OR52A1: variants seen among roughly 807,000 people sequenced by gnomAD.
The protein encoded by OR52A1 is olfactory receptor 52A1.
Under a neutral mutation model 14.3 loss-of-function variants are expected in OR52A1, and 14 were observed. That is an observed-to-expected ratio of 0.98 (90% CI 0.65 to 1.54). The LOEUF (loss-of-function observed/expected upper bound fraction) is 1.54. Among genes scored for constraint, OR52A1 ranks in the 40% most tolerant of loss-of-function variants. The pLI is 0.00. For missense variants in OR52A1, 405 were observed against 381.3 expected, an observed-to-expected ratio of 1.06 and a Z score of -0.52; for synonymous variants, 151 against 135.3, an observed-to-expected ratio of 1.12 and a Z score of -0.80.
At position 5,150,216 on chromosome 11, in the gene OR52A1, A is replaced by G. The variant is rs1846524888; in HGVS notation, c.*1215T>C. On this transcript the variant is annotated 3_prime_UTR_variant, in exon 2 of 2. Coordinates refer to ENST00000380367, the MANE Select transcript of OR52A1 (RefSeq NM_012375.3). ...TATGCTGCCACATGCCCAAGCAGAC[A>G]CACACACACACACACACACACACAC... is the stretch of plus-strand genomic sequence containing the variant. 4.4e-5 allele frequency: 1 copy of G among 22,730 alleles called. No individual in the cohort carries two copies. Among genetic ancestry groups the G allele is most frequent in the Admixed American group, 6.3e-4 (1 of 1,586 alleles). The allele number at this position is 22,730 out of a possible 1,614,324, so 1.4% of individuals were successfully genotyped here. A position where few individuals can be genotyped will look rare whatever the true frequency, so the allele number is the denominator to read the frequency against.
chr11:5,151,571 A>G lies in OR52A1; in HGVS notation c.799T>C (p.Phe267Leu). 1.9e-6 allele frequency: 3 copies of G among 1,614,098 alleles called. No individual in the cohort carries two copies. The South Asian group carries it at 3.3e-5, about 18-fold the overall frequency. Residue 267 changes from phenylalanine to leucine, a missense_variant, in exon 2 of 2, where the codon TTT (phenylalanine) becomes CTT (leucine). Phe to Leu is a conservative substitution (Grantham distance 22, BLOSUM62 0). Transcript: ENST00000380367. ...ATATAAGGGGAGATGTGAGACCCAA[A>G]CCTATGTGTGAAGAAGGAGAAGAAG... Reference protein sequence around the residue: ...LAFFSFFTHRFGSHISPYIHI... With the variant: ...LAFFSFFTHRLGSHISPYIHI...
rs192087899 is a variant in OR52A1, at chr11:5,152,426, T to C, written c.-57A>G. On this transcript the variant is annotated 5_prime_UTR_variant, in exon 2 of 2. Coordinates refer to ENST00000380367, the MANE Select transcript of OR52A1 (RefSeq NM_012375.3). ...GAAGTTTCTCAGTCAGTGTTACTGT[T>C]CCTCTTCTGCTTTCTGATTTTCTCC... The C allele has an allele frequency of 1.8e-5, 22 of 1,240,574 alleles. No individual in the cohort carries two copies. In the African/African-American group the frequency reaches 3.3e-4, roughly 19 times the overall value. The allele number at this position is 1,240,574 out of a possible 1,614,324, so 76.8% of individuals were successfully genotyped here.
chr11:5,153,721 T>G (rs907301653), intron 1 of OR52A1, among the ~76,000 whole-genome samples: 4 of 152,156 alleles, frequency 2.6e-5, no homozygotes, highest in African/African-American at 9.7e-5. Context: ...AATAAAGTTG[T>G]TTTATCTCAG....
rs1846529725 is a variant in OR52A1, at chr11:5,150,620, A to T, written c.*811T>A. 6.6e-6 allele frequency: 1 copy of T among 152,004 alleles called. No individual in the cohort carries two copies. The highest frequency in any genetic ancestry group is 2.1e-4 in the South Asian group (1 of 4,812). 9.4% of individuals were successfully genotyped at this position (152,004 alleles called of 1,614,324 possible). A position where few individuals can be genotyped will look rare whatever the true frequency, so the allele number is the denominator to read the frequency against. On this transcript the variant is annotated 3_prime_UTR_variant, in exon 2 of 2. Transcript: ENST00000380367. ...TCATTCTCTCTGAACTCCACATCCT[A>T]TGTGTACACTTGTTATTTCTCTCTT...
rs1266141347 is a variant in OR52A1 at position 5,149,233 on chromosome 11, A to G, written c.*2198T>C. 2.6e-5 allele frequency: 4 copies of G among 152,182 alleles called. No individual in the cohort carries two copies. The highest frequency in any genetic ancestry group is 9.7e-5 in the African/African-American group (4 of 41,444). The allele number at this position is 152,182 out of a possible 1,614,324, so 9.4% of individuals were successfully genotyped here. ...AAGACTACAGTAATTAAACAATATGAACTCTGGACTACATATTTTATGAGA... is the reference window on the plus strand; with the variant it reads ...AAGACTACAGTAATTAAACAATATGGACTCTGGACTACATATTTTATGAGA... On this transcript the variant is annotated 3_prime_UTR_variant, in exon 2 of 2. Transcript: ENST00000380367.
rs756135235 is a variant in OR52A1, at chr11:5,151,725, T to C, written c.645A>G (p.Thr215=). 23 of 1,614,052 alleles carry C rather than the reference T, an allele frequency of 1.4e-5. No homozygotes were observed. The East Asian group carries it at 4.9e-4, about 34-fold the overall frequency. The change falls in exon 2 of 2, where the codon ACA becomes ACG. Residue 215 remains threonine, a synonymous_variant. Coordinates refer to ENST00000380367, the MANE Select transcript of OR52A1 (RefSeq NM_012375.3). ...TCTGGATGTAGGACAATGTGATGAA[T>C]GTGAGGTCAAATCCTGCTACAGTGA... ...VAFTVAGFDL[T]FITLSYIQIF... is the part of the protein sequence containing the mutation.
Position 5,152,298 on chromosome 11 carries a change from A to G in OR52A1, c.72T>C (p.Ser24=), listed in dbSNP as rs1564853457. 6.2e-7 allele frequency: 1 copy of G among 1,614,044 alleles called. No homozygotes were observed. Among genetic ancestry groups the G allele is most frequent in the Non-Finnish European group, 8.5e-7 (1 of 1,179,910 alleles). ...ATGGAATCCCAATCCAGCACTGCACAGATTCTAGGCCTGGGATCCCTACTA... is the reference window on the plus strand; with the variant it reads ...ATGGAATCCCAATCCAGCACTGCACGGATTCTAGGCCTGGGATCCCTACTA... ...LTLVGIPGLE[S]VQCWIGIPFC... Residue 24 remains serine (S), a synonymous_variant, in exon 2 of 2, where the codon TCT becomes TCC. Coordinates refer to ENST00000380367, the MANE Select transcript of OR52A1 (RefSeq NM_012375.3).
rs897736596 is a variant in OR52A1, at chr11:5,147,108, C to G, written c.*4323G>C. The G allele has an allele frequency of 6.6e-6, 1 of 152,174 alleles. No individual in the cohort carries two copies. The highest frequency in any genetic ancestry group is 1.5e-5 in the Non-Finnish European group (1 of 68,036). 9.4% of individuals were successfully genotyped at this position (152,174 alleles called of 1,614,324 possible). A position where few individuals can be genotyped will look rare whatever the true frequency, so the allele number is the denominator to read the frequency against. ...TTAAGGAGAATTGATATCTTTACAA[C>G]ACTGAGATCAGCACATCAATGGTTG... On this transcript the variant is annotated 3_prime_UTR_variant, in exon 2 of 2. Coordinates refer to ENST00000380367, the MANE Select transcript of OR52A1 (RefSeq NM_012375.3).
chr11:5,154,529 T>C lies in OR52A1; in HGVS notation c.-404A>G, dbSNP rs762373256. 3.9e-5 allele frequency: 6 copies of C among 152,262 alleles called. No homozygotes were observed. The highest frequency in any genetic ancestry group is 1.4e-4 in the African/African-American group (6 of 41,464). The allele number at this position is 152,262 out of a possible 1,614,324, so 9.4% of individuals were successfully genotyped here. On this transcript the variant is annotated 5_prime_UTR_variant, in exon 1 of 2. Coordinates refer to ENST00000380367, the MANE Select transcript of OR52A1 (RefSeq NM_012375.3). ...GGCTCTACTTTCTGTCTGCACTCTGTGTAACAGCATCCAGCTAATGTCATA... is the reference window on the plus strand; with the variant it reads ...GGCTCTACTTTCTGTCTGCACTCTGCGTAACAGCATCCAGCTAATGTCATA...
Position 5,152,114 on chromosome 11 carries a change from T to C in OR52A1, c.256A>G (p.Ile86Val), listed in dbSNP as rs535738065. ...ASSIMPKMLG[I>V]FWFNVPEIYF... ...ATTTCAGGCACATTAAACCAGAATA[T>C]TCCAAGCATCTTTGGCATAATGCTG... Residue 86 changes from isoleucine (I) to valine (V), a missense_variant, in exon 2 of 2, where the codon ATA becomes GTA. Transcript: ENST00000380367. 26 of 1,614,008 alleles carry C rather than the reference T, an allele frequency of 1.6e-5. No individual in the cohort carries two copies. Among genetic ancestry groups the C allele is most frequent in the Middle Eastern group, 1.6e-4 (1 of 6,084 alleles).
chr11:5,153,301 A>T (rs1004971728), intron 1 of OR52A1, among the ~76,000 whole-genome samples: 16 of 152,216 alleles, frequency 1.1e-4, no homozygotes, highest in African/African-American at 3.9e-4. Flanking sequence ...AATTAGCATA[A>T]TATAGCCCAA....
Position 5,149,504 on chromosome 11 carries a change from A to G in OR52A1, c.*1927T>C, listed in dbSNP as rs1035139488. The G allele has an allele frequency of 6.6e-6, 1 of 152,210 alleles. No individual in the cohort carries two copies. Among genetic ancestry groups the G allele is most frequent in the Non-Finnish European group, 1.5e-5 (1 of 68,032 alleles). 9.4% of individuals were successfully genotyped at this position (152,210 alleles called of 1,614,324 possible). ...GCTACACTTTGTTACTCTGTAGAAA[A>G]AAAAAATGGATTCTATTATTTTAAT... On this transcript the variant is annotated 3_prime_UTR_variant, in exon 2 of 2. Transcript: ENST00000380367.
At position 5,154,651 on chromosome 11, in the gene OR52A1, G is replaced by A. The variant is rs1215638528; in HGVS notation, c.-526C>T. 1 of 152,100 alleles carries A rather than the reference G, an allele frequency of 6.6e-6. No individual in the cohort carries two copies. Among genetic ancestry groups the A allele is most frequent in the African/African-American group, 2.4e-5 (1 of 41,400 alleles). 9.4% of individuals were successfully genotyped at this position (152,100 alleles called of 1,614,324 possible). ...ACACTTTTCATTTATCTCTAACACG[G>A]ACATCTTCTTCTTCTTCTGGAAGTC... On this transcript the variant is annotated 5_prime_UTR_variant, in exon 1 of 2. Transcript: ENST00000380367.
In OR52A1 at chr11:5,150,770, G is replaced by A. The variant is rs1416080283; in HGVS notation, c.*661C>T. The A allele has an allele frequency of 6.6e-6, 1 of 151,554 alleles. No homozygotes were observed. The highest frequency in any genetic ancestry group is 2.1e-4 in the South Asian group (1 of 4,776). The allele number at this position is 151,554 out of a possible 1,614,324, so 9.4% of individuals were successfully genotyped here. A position where few individuals can be genotyped will look rare whatever the true frequency, so the allele number is the denominator to read the frequency against. On this transcript the variant is annotated 3_prime_UTR_variant, in exon 2 of 2. Transcript: ENST00000380367. ...TTTACTATTATGTCACGATTCTGTA[G>A]TATAGTATTTTTAATATTGCAGGTT...
chr11:5,151,166 G>A lies in OR52A1; in HGVS notation c.*265C>T. 3.5e-6 allele frequency: 1 copy of A among 283,564 alleles called. No individual in the cohort carries two copies. The highest frequency in any genetic ancestry group is 6.6e-5 in the East Asian group (1 of 15,262). The allele number at this position is 283,564 out of a possible 1,614,324, so 17.6% of individuals were successfully genotyped here. A position where few individuals can be genotyped will look rare whatever the true frequency, so the allele number is the denominator to read the frequency against. On this transcript the variant is annotated 3_prime_UTR_variant, in exon 2 of 2. Coordinates refer to ENST00000380367, the MANE Select transcript of OR52A1 (RefSeq NM_012375.3). ...AAATCCTCCTGGAGAAATATTCTTA[G>A]AAGAATAACTCAACCAGGGGCTAAA...
At position 5,148,533 on chromosome 11, in the gene OR52A1, AT is replaced by A. The variant is rs397698801; in HGVS notation, c.*2897del. 1.5e-3 allele frequency: 214 copies of A among 144,640 alleles called. No homozygotes were observed. Among genetic ancestry groups the A allele is most frequent in the African/African-American group, 1.6e-3 (63 of 39,620 alleles). The allele number at this position is 144,640 out of a possible 1,614,324, so 9.0% of individuals were successfully genotyped here. ...GAGCCACCGCACCCGGCCTGAAAGC[AT>A]TTTTTTTTTTTCACCAAGCGTTCTG... is the stretch of plus-strand genomic sequence containing the variant. On this transcript the variant is annotated 3_prime_UTR_variant, in exon 2 of 2. Transcript: ENST00000380367.
Position 5,151,675 on chromosome 11 carries a change from G to A in OR52A1, c.695C>T (p.Pro232Leu), listed in dbSNP as rs1846544279. ...IQIFITVFRL[P>L]QKEARFKAFN... is the part of the protein sequence containing the mutation. Reference sequence around the variant, plus strand: ...TGCTTTAAACCTAGCCTCCTTCTGGGGCAAACGAAAAACTGTGATAAATAT... The same window carrying A: ...TGCTTTAAACCTAGCCTCCTTCTGGAGCAAACGAAAAACTGTGATAAATAT... The change falls in exon 2 of 2, where the codon CCC (proline) becomes CTC (leucine). Residue 232 changes from proline to leucine, a missense_variant. Pro to Leu is a moderately conservative substitution (Grantham distance 98). Coordinates refer to ENST00000380367, the MANE Select transcript of OR52A1 (RefSeq NM_012375.3). The A allele has an allele frequency of 4.3e-6, 7 of 1,614,078 alleles. No individual in the cohort carries two copies. Among genetic ancestry groups the A allele is most frequent in the South Asian group, 1.1e-5 (1 of 91,070 alleles).
At position 5,150,823 on chromosome 11, in the gene OR52A1, A is replaced by C. The variant is rs1308981224; in HGVS notation, c.*608T>G. On this transcript the variant is annotated 3_prime_UTR_variant, in exon 2 of 2. Coordinates refer to ENST00000380367, the MANE Select transcript of OR52A1 (RefSeq NM_012375.3). Reference sequence around the variant, plus strand: ...TGATAAAATGATGAATTAATAAAGAAGTAAATTTTGAGGTTAGCAAAAAAA... The same window carrying C: ...TGATAAAATGATGAATTAATAAAGACGTAAATTTTGAGGTTAGCAAAAAAA... 1 of 152,158 alleles carries C rather than the reference A, an allele frequency of 6.6e-6. No individual in the cohort carries two copies. The highest frequency in any genetic ancestry group is 1.9e-4 in the East Asian group (1 of 5,200). 9.4% of individuals were successfully genotyped at this position (152,158 alleles called of 1,614,324 possible).
Position 5,152,520 on chromosome 11 carries a change from G to A in OR52A1, c.-151C>T. ...AATCATCCATCTTATTCACAGTTTT[G>A]AAAGGAAAAGATGGATTCATGGAGA... On this transcript the variant is annotated 5_prime_UTR_variant, in exon 2 of 2. The change creates a premature stop within an existing upstream ORF in the 5' untranslated region. Transcript: ENST00000380367. The A allele has an allele frequency of 1.6e-6, 1 of 615,412 alleles. No homozygotes were observed. Among genetic ancestry groups the A allele is most frequent in the South Asian group, 2.3e-5 (1 of 42,758 alleles). 38.1% of individuals were successfully genotyped at this position (615,412 alleles called of 1,614,324 possible). A position where few individuals can be genotyped will look rare whatever the true frequency, so the allele number is the denominator to read the frequency against.
Sources: gnomAD v4.1 joint callset for allele counts (sites outside exome capture counted in the v4.1 genomes callset) on GRCh38, gnomAD v4.1.1 for gene constraint, MANE v1.5 for transcripts, NCBI Gene and HGNC (gene_info 2026-07-23, HGNC 2026-07-21) for gene names.